Variants in PCDH15 observed in about 807,000 individuals in gnomAD.
PCDH15 encodes protocadherin related 15.
In PCDH15, 129 loss-of-function variants were observed where a neutral mutation model predicts 178.5. That is an observed-to-expected ratio of 0.72 (90% confidence interval 0.63 to 0.84). The LOEUF (loss-of-function observed/expected upper bound fraction) is 0.84, where lower values mean the gene tolerates loss of function less well. Among genes scored for constraint, PCDH15 ranks in the 40% least tolerant of loss-of-function variants. The pLI is 0.00. For synonymous variants in PCDH15, 800 were observed against 732.0 expected (o/e 1.09, Z -1.50); for missense variants, 2,230 against 2,099.9 (o/e 1.06, Z -1.21).
chr10:54,512,386 TGTGTGTGTG>T (rs2081778218), intron 3 of PCDH15, among the ~76,000 whole-genome samples: 1 of 151,578 alleles, frequency 6.6e-6, no homozygotes, highest in South Asian at 2.1e-4. Context: ...TGTGTGTGTG[TGTGTGTGTG>T]TGTGTGTATT....
intron 13 of PCDH15, among the ~76,000 whole-genome samples, chr10:54,178,322 T>A (rs2047643256): frequency 6.6e-6 from 1 of 152,122 alleles, no homozygotes; most frequent in African/African-American, 2.4e-5. Context: ...TAGATATAGA[T>A]CAATATATGT....
intron 1 of PCDH15, among the ~76,000 whole-genome samples, chr10:54,768,710 C>A (rs1285240986): frequency 6.6e-6 from 1 of 152,140 alleles, no homozygotes; most frequent in Middle Eastern, 3.2e-3. Flanking sequence ...AATATTCCTT[C>A]AAATCCCTCT....
chr10:54,205,429 T>C (rs2050690550), intron 10 of PCDH15, among the ~76,000 whole-genome samples: 1 of 151,200 alleles, frequency 6.6e-6, no homozygotes, highest in African/African-American at 2.4e-5. Context: ...CTACAAAAGC[T>C]ATAGGTCCAA....
intron 1 of PCDH15, among the ~76,000 whole-genome samples, chr10:55,242,782 T>C (rs534948721): frequency 2.0e-5 from 3 of 152,046 alleles, no homozygotes; most frequent in Non-Finnish European, 4.4e-5. Flanking sequence ...GCCCAGGAGG[T>C]TGAGCCGTGA....
intron 3 of PCDH15, among the ~76,000 whole-genome samples, chr10:54,828,110 T>C (rs1419695465): frequency 6.6e-6 from 1 of 152,012 alleles, no homozygotes; most frequent in Non-Finnish European, 1.5e-5. Flanking sequence ...TTGAATTAAT[T>C]ATCAACTAGG....
rs1194092741 is a variant in PCDH15 at position 54,949,313 on chromosome 10, CAAG to C, written c.-79-51816_-79-51814del. Among the ~76,000 whole-genome samples the C allele has an allele frequency of 4.6e-5, 7 of 151,832 alleles. No homozygotes were observed. The South Asian group carries it at 1.2e-3, about 27-fold the overall frequency. On this transcript the variant is annotated intron_variant, in intron 2 of 5. Transcript: ENST00000458638. Reference sequence around the variant, plus strand: ...ACAAGTCACCATCTTCATAAGGCAGCAAGAAGAAGGATGAACACAAGAGGAACT... The same window carrying C: ...ACAAGTCACCATCTTCATAAGGCAGCAAGAAGGATGAACACAAGAGGAACT...
chr10:54,345,727 A>G (rs145865481), intron 6 of PCDH15, among the ~76,000 whole-genome samples: 2,210 of 150,802 alleles, frequency 0.015, 21 homozygotes, highest in Non-Finnish European at 0.023. Context: ...TAAATATACA[A>G]AAAAATTGAG....
intron 8 of PCDH15, among the ~76,000 whole-genome samples, chr10:54,303,176 T>A (rs2060247253): frequency 6.6e-6 from 1 of 152,084 alleles, no homozygotes; most frequent in South Asian, 2.1e-4. Flanking sequence ...GGGCAATAGA[T>A]TACAAGGGCA....
At chr10:54,139,570 C>T (rs758571855) in intron 14 of PCDH15, among the ~76,000 whole-genome samples, 6 of 152,076 alleles carry the variant, frequency 3.9e-5, no homozygotes, top group Non-Finnish European at 8.8e-5. Flanking sequence ...CTGTAAAATG[C>T]TAATATCTGA....
chr10:54,462,259 A>G (rs1394006233), intron 3 of PCDH15, among the ~76,000 whole-genome samples: 2 of 151,730 alleles, frequency 1.3e-5, no homozygotes, highest in East Asian at 3.9e-4. Flanking sequence ...TATTGTCTTT[A>G]GCATTTATGT....
At position 54,872,064 on chromosome 10, in the gene PCDH15, T is replaced by C. The variant is rs551390874; in HGVS notation, c.-29+25386A>G. ...GAAATATAATAAAAACAAGTGGTTA[T>C]ATTTAAGAAGGTTTGAAATAAAGTG... is the stretch of plus-strand genomic sequence containing the variant. On this transcript the variant is annotated intron_variant, in intron 3 of 5. Transcript: ENST00000458638. Among the ~76,000 whole-genome samples the C allele has an allele frequency of 4.6e-5, 7 of 152,200 alleles. No individual in the cohort carries two copies. The South Asian group carries it at 1.4e-3, about 32-fold the overall frequency.
chr10:54,997,977 C>A (rs917578587), intron 2 of PCDH15, among the ~76,000 whole-genome samples: 1 of 151,918 alleles, frequency 6.6e-6, no homozygotes, highest in Non-Finnish European at 1.5e-5. Context: ...TCTATAAAAT[C>A]CAATAATTGG....
At chr10:54,497,217 T>C (rs66665873) in intron 3 of PCDH15, among the ~76,000 whole-genome samples, 24,021 of 150,590 alleles carry the variant, frequency 0.16, 2,351 homozygotes, top group African/African-American at 0.25. Context: ...AGAAAGCCAA[T>C]TGACTAAACC....
chr10:54,428,400 T>A (rs529566470), intron 3 of PCDH15, among the ~76,000 whole-genome samples: 1 of 152,322 alleles, frequency 6.6e-6, no homozygotes, highest in Admixed American at 6.5e-5. Flanking sequence ...TTAGTATGAG[T>A]ATGTCCCATG....
At chr10:55,445,177 TTC>T (rs1839287654) in intron 2 of PCDH15, among the ~76,000 whole-genome samples, 1 of 152,142 alleles carries the variant, frequency 6.6e-6, no homozygotes, top group African/African-American at 2.4e-5. Context: ...ATGTCCTGCT[TTC>T]TCTCTGCTTT....
chr10:54,774,362 T>C (rs1042627873), intron 1 of PCDH15, among the ~76,000 whole-genome samples: 1 of 152,042 alleles, frequency 6.6e-6, no homozygotes, highest in Non-Finnish European at 1.5e-5. Context: ...ACTGTAATAC[T>C]CATTAAGGGC....
intron 3 of PCDH15, among the ~76,000 whole-genome samples, chr10:54,380,388 G>T (rs1949030669): frequency 1.3e-5 from 2 of 151,162 alleles, no homozygotes; most frequent in African/African-American, 4.9e-5. Context: ...GCATTTTATT[G>T]CCTATAAATA....
chr10:54,452,311 T>A (rs1325363998), intron 3 of PCDH15: 1 of 152,034 alleles, frequency 6.6e-6, no homozygotes, highest in Non-Finnish European at 1.5e-5. Flanking sequence ...TATATATATA[T>A]AATTTCACAA....
intron 26 of PCDH15, among the ~76,000 whole-genome samples, chr10:53,896,587 G>C (rs941577627): frequency 2.0e-5 from 3 of 152,132 alleles, no homozygotes; most frequent in Non-Finnish European, 4.4e-5. Context: ...CTCAGGCCAT[G>C]GACAACTACC....
Sources: allele counts gnomAD v4.1 joint callset (sites outside exome capture counted in the v4.1 genomes callset), GRCh38; gene constraint gnomAD v4.1.1; transcripts MANE v1.5; gene names NCBI Gene and HGNC (gene_info 2026-07-23, HGNC 2026-07-21).